The following ASAP1 variants were observed in gnomAD, a reference collection of about 807,000 sequenced individuals.
ASAP1 encodes the protein ArfGAP with SH3 domain, ankyrin repeat and PH domain 1, also known as arf-GAP with SH3 domain, ANK repeat and PH domain-containing protein 1.
ASAP1 carries 43 observed loss-of-function variants against 145.2 expected under a neutral mutation model. The observed-to-expected ratio is 0.30, with a 90% CI of 0.23 to 0.38. ASAP1 has a LOEUF of 0.38. ASAP1 is among the 10% of genes least tolerant of loss of function. ASAP1 has a pLI of 1.00. For missense variants in ASAP1, 1,018 were observed against 1,355.3 expected (o/e 0.75, Z 3.91); for synonymous variants, 546 against 515.5 (o/e 1.06, Z -0.80).
intron 1 of ASAP1, among the ~76,000 whole-genome samples, chr8:130,441,426 C>T (rs997076593): frequency 6.6e-6 from 1 of 152,152 alleles, no homozygotes; most frequent in South Asian, 2.1e-4. Context: ...AAAGACCTTC[C>T]GGAGCCCATG....
intron 13 of ASAP1, 30 bp from the exon 14 acceptor site, chr8:130,137,068 C>T: frequency 1.3e-6 from 2 of 1,563,868 alleles, no homozygotes; most frequent in South Asian, 1.1e-5. Context: ...GGAGAAGTTA[C>T]ATGCAGCTCC....
intron 3 of ASAP1, among the ~76,000 whole-genome samples, chr8:130,346,914 AT>A (rs1825733900): frequency 6.6e-6 from 1 of 152,262 alleles, no homozygotes; most frequent in Non-Finnish European, 1.5e-5. Context: ...AATGGGCATC[AT>A]AAAAAATGAT....
At chr8:130,441,152 ACAGGGTCCTATTCATCTTTG>A (rs1337042006) in intron 1 of ASAP1, among the ~76,000 whole-genome samples, 1 of 152,230 alleles carries the variant, frequency 6.6e-6, no homozygotes, top group Non-Finnish European at 1.5e-5. Flanking sequence ...GGCCTTGAGA[ACAGGGTCCTATTCATCTTTG>A]CAGGACTGGC....
chr8:130,054,674 C>G lies in ASAP1; in HGVS notation c.*57G>C. ...TATATACACACTGTGCCCAGGGTTA[C>G]ATGAAGGCAGCAGTCTTGCATGAAG... On this transcript the variant is annotated 3_prime_UTR_variant, in exon 30 of 30. Transcript: ENST00000518721. 1 of 1,486,102 alleles carries G rather than the reference C, an allele frequency of 6.7e-7. No homozygotes were observed. Among genetic ancestry groups the G allele is most frequent in the South Asian group, 1.1e-5 (1 of 88,264 alleles). 92.1% of individuals were successfully genotyped at this position (1,486,102 alleles called of 1,614,324 possible). A position where few individuals can be genotyped will look rare whatever the true frequency, so the allele number is the denominator to read the frequency against.
chr8:130,349,248 C>T (rs1255329721), intron 3 of ASAP1, among the ~76,000 whole-genome samples: 1 of 152,190 alleles, frequency 6.6e-6, no homozygotes, highest in African/African-American at 2.4e-5. Flanking sequence ...TCTCCTTAGT[C>T]CCATCTGTGC....
At chr8:130,303,168 T>C (rs760772844) in intron 3 of ASAP1, among the ~76,000 whole-genome samples, 24 of 152,186 alleles carry the variant, frequency 1.6e-4, no homozygotes, top group Non-Finnish European at 2.4e-4. Context: ...ACAGGAAGCA[T>C]GCTAACATCT....
intron 13 of ASAP1, 87 bp downstream of exon 13, chr8:130,152,649 T>C (rs893423803): frequency 4.6e-6 from 4 of 864,078 alleles, no homozygotes; most frequent in African/African-American, 3.5e-5. Flanking sequence ...AATGCATAAA[T>C]ATATTTGCGC....
chr8:130,316,058 T>A (rs1233230432), intron 3 of ASAP1, among the ~76,000 whole-genome samples: 1 of 152,212 alleles, frequency 6.6e-6, no homozygotes, highest in Non-Finnish European at 1.5e-5. Context: ...AGCACTTCCG[T>A]CTTTTCAGCT....
intron 2 of ASAP1, among the ~76,000 whole-genome samples, chr8:130,383,364 C>T (rs865831630): frequency 2.6e-5 from 4 of 152,176 alleles, no homozygotes. Flanking sequence ...GAGTGGACTA[C>T]AAGCCAGGAG....
intron 27 of ASAP1, among the ~76,000 whole-genome samples, chr8:130,073,929 C>T (rs918338544): frequency 1.3e-5 from 2 of 152,110 alleles, no homozygotes; most frequent in Non-Finnish European, 2.9e-5. Flanking sequence ...CAGGGGAACA[C>T]GTTAGATGAA....
At chr8:130,098,927 C>T (rs987385759) in intron 24 of ASAP1, among the ~76,000 whole-genome samples, 2 of 151,998 alleles carry the variant, frequency 1.3e-5, no homozygotes, top group Non-Finnish European at 2.9e-5. Context: ...TCAGCCTCAT[C>T]CTCCGCTCAA....
At chr8:130,163,474 C>T (rs899465385) in intron 11 of ASAP1, among the ~76,000 whole-genome samples, 1 of 152,146 alleles carries the variant, frequency 6.6e-6, no homozygotes, top group African/African-American at 2.4e-5. Flanking sequence ...AGGGTTTGAC[C>T]TCATTAAACT....
intron 3 of ASAP1, among the ~76,000 whole-genome samples, chr8:130,282,543 A>C (rs1821315399): frequency 6.6e-6 from 1 of 152,232 alleles, no homozygotes; most frequent in Non-Finnish European, 1.5e-5. Flanking sequence ...TGATGTGTGA[A>C]TGTAACTGCA....
At chr8:130,131,000 C>A (rs931573410) in intron 15 of ASAP1, among the ~76,000 whole-genome samples, 1 of 152,028 alleles carries the variant, frequency 6.6e-6, no homozygotes, top group African/African-American at 2.4e-5. Flanking sequence ...ACTAAAAACA[C>A]AAAAAAATTA....
In ASAP1 at chr8:130,054,725, G is replaced by A. The variant is rs765479143; in HGVS notation, c.*6C>T. The A allele has an allele frequency of 3.7e-6, 6 of 1,612,376 alleles. No homozygotes were observed. Among genetic ancestry groups the A allele is most frequent in the Admixed American group, 1.7e-5 (1 of 59,990 alleles). ...GATGTGGACAATCTTAAGGTTCTGC[G>A]TTTTGCTAGTCAGACAGGATATGAA... On this transcript the variant is annotated 3_prime_UTR_variant, in exon 30 of 30. Coordinates refer to ENST00000518721, the MANE Select transcript of ASAP1 (RefSeq NM_018482.4).
chr8:130,401,511 C>G (rs971309208), intron 2 of ASAP1, among the ~76,000 whole-genome samples: 10 of 152,154 alleles, frequency 6.6e-5, no homozygotes, highest in African/African-American at 2.4e-4. Flanking sequence ...TCCTAAAGTG[C>G]TGGGATTACA....
At chr8:130,165,074 T>A (rs2097677206) in intron 11 of ASAP1, among the ~76,000 whole-genome samples, 1 of 152,244 alleles carries the variant, frequency 6.6e-6, no homozygotes, top group South Asian at 2.1e-4. Flanking sequence ...TGCAAGGTAC[T>A]AATGAAAACT....
intron 2 of ASAP1, among the ~76,000 whole-genome samples, chr8:130,376,350 G>A (rs1302712570): frequency 2.0e-5 from 3 of 152,226 alleles, no homozygotes; most frequent in African/African-American, 7.2e-5. Context: ...AAAGGCTATA[G>A]GACAAGGCCC....
intron 2 of ASAP1, among the ~76,000 whole-genome samples, chr8:130,395,094 T>C (rs776844330): frequency 7.2e-5 from 11 of 152,172 alleles, no homozygotes; most frequent in Non-Finnish European, 1.5e-4. Flanking sequence ...AGAATGTCCC[T>C]GCCGCAGCAC....
Sources: gnomAD v4.1 joint callset for allele counts (sites outside exome capture counted in the v4.1 genomes callset) on GRCh38, gnomAD v4.1.1 for gene constraint, MANE v1.5 for transcripts, NCBI Gene and HGNC (gene_info 2026-07-23, HGNC 2026-07-21) for gene names.